The following ACVR1 variants were observed in gnomAD, a reference collection of about 807,000 sequenced individuals.
The protein encoded by ACVR1 is activin A receptor type 1.
A neutral mutation model predicts 57.1 loss-of-function variants in ACVR1; 38 were observed. The observed-to-expected ratio is 0.67, with a 90% confidence interval of 0.51 to 0.87. The LOEUF is 0.87. ACVR1 is among the 40% of genes least tolerant of loss of function. The pLI is 0.00. For synonymous variants in ACVR1, 212 were observed against 228.1 expected, an observed-to-expected ratio of 0.93 and a Z score of 0.63; for missense variants, 463 against 638.2, an observed-to-expected ratio of 0.73 and a Z score of 2.96.
intron 9 of ACVR1, among the ~76,000 whole-genome samples, chr2:157,752,983 A>C (rs568979114): frequency 6.6e-6 from 1 of 152,338 alleles, no homozygotes; most frequent in South Asian, 2.1e-4. Context: ...TTGAATGTAA[A>C]TGGCCTAAAT....
rs1201641317 is a variant in ACVR1 at position 157,788,919 on chromosome 2, T to C, written c.68-8319A>G. Among the ~76,000 whole-genome samples, 3 of 152,148 alleles carry C rather than the reference T, an allele frequency of 2.0e-5. No individual in the cohort carries two copies. In the East Asian group the frequency reaches 5.8e-4, roughly 29 times the overall value. On this transcript the variant is annotated intron_variant, in intron 3 of 10. Transcript: ENST00000434821. ...ACCAAGTCCAGAACTCCATGAAAGG[T>C]TAATGAAGAAAGGAATCCCATGTCT... is the stretch of plus-strand genomic sequence containing the variant.
intron 1 of ACVR1, among the ~76,000 whole-genome samples, chr2:157,863,912 G>A (rs1206875800): frequency 7.1e-6 from 1 of 141,122 alleles, no homozygotes; most frequent in African/African-American, 2.7e-5. Flanking sequence ...CTGTCACCCA[G>A]GTTGGAGTGC....
At chr2:157,765,776 G>A (rs1027771560) in intron 8 of ACVR1, 145 bp downstream of exon 8, 7 of 711,208 alleles carry the variant, frequency 9.8e-6, no homozygotes, top group Admixed American at 2.4e-5. Context: ...TCTATGTGGT[G>A]GGTATAAAGG....
chr2:157,787,348 T>C (rs1172613689), intron 3 of ACVR1, among the ~76,000 whole-genome samples: 1 of 152,316 alleles, frequency 6.6e-6, no homozygotes, highest in Non-Finnish European at 1.5e-5. Flanking sequence ...CTTCATTCTG[T>C]CTTCAAACTT....
At chr2:157,824,303 A>T (rs1008147699) in intron 1 of ACVR1, among the ~76,000 whole-genome samples, 1 of 152,078 alleles carries the variant, frequency 6.6e-6, no homozygotes, top group South Asian at 2.1e-4. Context: ...CCCCATCTCT[A>T]CAAAAAATTT....
chr2:157,832,748 C>T (rs1031010861), intron 1 of ACVR1, among the ~76,000 whole-genome samples: 2 of 152,132 alleles, frequency 1.3e-5, no homozygotes, highest in African/African-American at 2.4e-5. Context: ...AATTCTATAA[C>T]ATAAAACATG....
At position 157,799,371 on chromosome 2, in the gene ACVR1, C is replaced by CAAA. The variant is rs3030646; in HGVS notation, c.67+53_67+55dup. 42,406 of 1,065,174 alleles carry CAAA rather than the reference C, an allele frequency of 0.04. 30 individuals are homozygous for CAAA. Among genetic ancestry groups the CAAA allele is most frequent in the East Asian group, 0.052 (1,810 of 34,514 alleles). The allele number at this position is 1,065,174 out of a possible 1,614,324, so 66.0% of individuals were successfully genotyped here. A position where few individuals can be genotyped will look rare whatever the true frequency, so the allele number is the denominator to read the frequency against. ...GCTTAAGAAGTAGTTTATAGTAAGC[C>CAAA]AAAAAAAAAAATCACAGTATACTTA... On this transcript the variant is annotated intron_variant, in intron 3 of 10. Coordinates refer to ENST00000434821, the MANE Select transcript of ACVR1 (RefSeq NM_001111067.4).
chr2:157,771,193 G>C (rs1686058999), intron 6 of ACVR1, among the ~76,000 whole-genome samples: 1 of 152,210 alleles, frequency 6.6e-6, no homozygotes. Flanking sequence ...CATAATCCCA[G>C]AAGAGTTCTG....
chr2:157,773,187 TA>T (rs1383218136), intron 6 of ACVR1, among the ~76,000 whole-genome samples: 1 of 152,104 alleles, frequency 6.6e-6, no homozygotes, highest in African/African-American at 2.4e-5. Flanking sequence ...AAGAGAAACT[TA>T]GGAAAATGAT....
chr2:157,761,551 T>C (rs1685657328), intron 8 of ACVR1, among the ~76,000 whole-genome samples: 1 of 152,232 alleles, frequency 6.6e-6, no homozygotes, highest in Non-Finnish European at 1.5e-5. Context: ...CAGATTGCTA[T>C]AAGCACTGCT....
intron 3 of ACVR1, chr2:157,790,042 GA>G (rs1185551511): frequency 6.6e-6 from 1 of 152,402 alleles, no homozygotes; most frequent in Non-Finnish European, 1.5e-5. Flanking sequence ...GAACTGCTCA[GA>G]AGCCTGCTGC....
In ACVR1 at chr2:157,841,819, C is replaced by T. The variant is rs193302784; in HGVS notation, c.-182-23260G>A. Among the ~76,000 whole-genome samples, 468 of 152,068 alleles carry T rather than the reference C, an allele frequency of 3.1e-3. 2 individuals are homozygous for T. Among genetic ancestry groups the T allele is most frequent in the African/African-American group, 0.011 (456 of 41,482 alleles). The stretch of plus-strand genomic sequence containing the variant: ...CAGGCAGATCATGAGGTCAGGAGAT[C>T]GAGATCATCCTGGCTAACACAGTGA... On this transcript the variant is annotated intron_variant, in intron 1 of 10. Transcript: ENST00000434821.
intron 1 of ACVR1, chr2:157,838,290 G>C (rs189565458): frequency 1.3e-5 from 2 of 152,150 alleles, no homozygotes; most frequent in Admixed American, 1.3e-4. Context: ...AAAAGGCAAG[G>C]TACTTCCCGC....
intron 2 of ACVR1, among the ~76,000 whole-genome samples, chr2:157,817,988 C>T (rs1041181350): frequency 1.4e-5 from 2 of 138,404 alleles, no homozygotes; most frequent in Non-Finnish European, 3.1e-5. Context: ...GGTGACAGAA[C>T]GAGACTCCGT....
chr2:157,749,482 TGA>T (rs1411958769), intron 9 of ACVR1, among the ~76,000 whole-genome samples: 2 of 152,200 alleles, frequency 1.3e-5, no homozygotes, highest in Non-Finnish European at 1.5e-5. Context: ...GTGCAAAAAC[TGA>T]GACTTTTCTC....
At chr2:157,808,350 G>C (rs533295823) in intron 2 of ACVR1, among the ~76,000 whole-genome samples, 1 of 152,176 alleles carries the variant, frequency 6.6e-6, no homozygotes. Context: ...TTGGTGTGGA[G>C]AGAGGAAGGT....
At chr2:157,782,937 C>A (rs780038974) in intron 3 of ACVR1, among the ~76,000 whole-genome samples, 1 of 152,104 alleles carries the variant, frequency 6.6e-6, no homozygotes, top group Non-Finnish European at 1.5e-5. Flanking sequence ...GGGGTTAGCA[C>A]TGGGATGAAG....
At chr2:157,759,352 A>G (rs1347154635) in intron 9 of ACVR1, among the ~76,000 whole-genome samples, 1 of 152,058 alleles carries the variant, frequency 6.6e-6, no homozygotes, top group Admixed American at 6.6e-5. Context: ...AGAGATTATT[A>G]CAAACAAATT....
intron 3 of ACVR1, among the ~76,000 whole-genome samples, chr2:157,796,970 A>G (rs1050697516): frequency 7.9e-5 from 12 of 152,340 alleles, no homozygotes; most frequent in Admixed American, 1.3e-4. Context: ...TATAAACTAG[A>G]TATCTAAAAT....
Sources: gnomAD v4.1 joint callset for allele counts (sites outside exome capture counted in the v4.1 genomes callset) on GRCh38, gnomAD v4.1.1 for gene constraint, MANE v1.5 for transcripts, NCBI Gene and HGNC (gene_info 2026-07-23, HGNC 2026-07-21) for gene names.